The following GYG1 variants were observed in gnomAD, a reference collection of about 807,000 sequenced individuals.
GYG1 encodes the protein glycogenin-1.
A neutral mutation model predicts 41.9 loss-of-function variants in GYG1; 44 were observed. The ratio of observed to expected loss-of-function variants is 1.05; its 90% CI spans 0.83 to 1.35. The LOEUF (loss-of-function observed/expected upper bound fraction) is 1.35. Among genes scored for constraint, GYG1 ranks in the 40% most tolerant of loss-of-function variants. The pLI, the probability that GYG1 is intolerant of heterozygous loss-of-function variation, is 0.00. For synonymous variants in GYG1, 141 were observed against 158.1 expected (o/e 0.89, Z 0.81); for missense variants, 429 against 418.9 (o/e 1.02, Z -0.21).
Position 149,030,397 on chromosome 3 carries a change from T to G in GYG1, c.*3464T>G, listed in dbSNP as rs1024698654. ...AGAACTGTACAAAACAAAGAGACAT[T>G]TTTTAAACAACTTGCCAAACTTACT... On this transcript the variant is annotated 3_prime_UTR_variant, in exon 8 of 8. Coordinates refer to ENST00000345003, the MANE Select transcript of GYG1 (RefSeq NM_004130.4). The G allele has an allele frequency of 1.5e-4, 23 of 152,212 alleles. No individual in the cohort carries two copies. The highest frequency in any genetic ancestry group is 1.3e-3 in the Admixed American group (20 of 15,292). The allele number at this position is 152,212 out of a possible 1,614,324, so 9.4% of individuals were successfully genotyped here.
intron 4 of GYG1, among the ~76,000 whole-genome samples, chr3:149,007,696 C>A (rs764525248): frequency 1.3e-5 from 2 of 152,168 alleles, no homozygotes; most frequent in African/African-American, 2.4e-5. Flanking sequence ...TGTTGAGAAA[C>A]GACCTGGATT....
intron 5 of GYG1, among the ~76,000 whole-genome samples, chr3:149,023,675 G>A (rs1714488815): frequency 6.6e-6 from 1 of 152,312 alleles, no homozygotes; most frequent in South Asian, 2.1e-4. Flanking sequence ...CAATGTCACA[G>A]TGAACTCAGT....
At chr3:149,008,328 CT>C (rs1713520727) in intron 4 of GYG1, 1 of 152,476 alleles carries the variant, frequency 6.6e-6, no homozygotes, top group African/African-American at 2.4e-5. Context: ...GCCGCCTTCT[CT>C]GAGACTCACC....
In GYG1 at chr3:149,026,421, C is replaced by T. The variant is rs527632730; in HGVS notation, c.829-31C>T. 19 of 1,404,662 alleles carry T rather than the reference C, an allele frequency of 1.4e-5. No individual in the cohort carries two copies. In the East Asian group the frequency reaches 3.4e-4, roughly 25 times the overall value. The allele number at this position is 1,404,662 out of a possible 1,614,324, so 87.0% of individuals were successfully genotyped here. On this transcript the variant is annotated intron_variant, in intron 6 of 7. Transcript: ENST00000345003. ...TGAGACTTGTGTTCCCTTGCCCATC[C>T]ATCTTACACTTTCTAATGAACTGTT... is the stretch of plus-strand genomic sequence containing the variant.
rs375685438 is a variant in GYG1, at chr3:149,020,935, T to C, written c.609-3118T>C. 3.9e-5 allele frequency among the ~76,000 whole-genome samples: 6 copies of C among 152,276 alleles called. No individual in the cohort carries two copies. In the East Asian group the frequency reaches 9.7e-4, roughly 25 times the overall value. ...GTACTCTGTTTCGGTTTTAGGCTTATGGGTTTGTATTGCTAGGATGGGGCA... is the reference window on the plus strand; with the variant it reads ...GTACTCTGTTTCGGTTTTAGGCTTACGGGTTTGTATTGCTAGGATGGGGCA... On this transcript the variant is annotated intron_variant, in intron 5 of 7. Coordinates refer to ENST00000345003, the MANE Select transcript of GYG1 (RefSeq NM_004130.4).
At chr3:149,025,953 C>A (rs561722601) in intron 6 of GYG1, among the ~76,000 whole-genome samples, 2 of 152,298 alleles carry the variant, frequency 1.3e-5, no homozygotes, top group South Asian at 4.1e-4. Context: ...GGAAATGCCT[C>A]TGTATCATTA....
rs368333026 is a variant in GYG1, at chr3:148,996,103, G to C, written c.144-199G>C. On this transcript the variant is annotated intron_variant, in intron 2 of 7. Transcript: ENST00000345003. ...ACCATAAGCAGTTCTTACTACTTTA[G>C]TGACGTTAACTGGACATGCAAATAA... is the stretch of plus-strand genomic sequence containing the variant. Among the ~76,000 whole-genome samples, 3 of 152,262 alleles carry C rather than the reference G, an allele frequency of 2.0e-5. No homozygotes were observed. In the South Asian group the frequency reaches 6.2e-4, roughly 32 times the overall value.
At position 149,026,814 on chromosome 3, in the gene GYG1, G is replaced by T. The variant is rs769173594; in HGVS notation, c.934G>T (p.Ala312Ser). Residue 312 changes from alanine (A) to serine (S), a missense_variant, in exon 8 of 8, where the codon GCA becomes TCA. Coordinates refer to ENST00000345003, the MANE Select transcript of GYG1 (RefSeq NM_004130.4). ...GTCCCTTGGGGAGATCCCAGCTATG[G>T]CACAGCCGTTTGTATCCTCGGAAGA... ...HLSLGEIPAM[A>S]QPFVSSEERK... 1.2e-6 allele frequency: 2 copies of T among 1,613,984 alleles called. No individual in the cohort carries two copies. The highest frequency in any genetic ancestry group is 2.2e-5 in the South Asian group (2 of 91,070).
At position 149,028,868 on chromosome 3, in the gene GYG1, G is replaced by C. The variant is rs562914999; in HGVS notation, c.*1935G>C. ...CCTGAGTAGCTGGGACTACAGGCAC[G>C]CACCACCACGCCCAGCTAAATTTTG... On this transcript the variant is annotated 3_prime_UTR_variant, in exon 8 of 8. Coordinates refer to ENST00000345003, the MANE Select transcript of GYG1 (RefSeq NM_004130.4). 6.6e-6 allele frequency among the ~76,000 whole-genome samples: 1 copy of C among 151,790 alleles called. No individual in the cohort carries two copies.
In GYG1 at chr3:149,009,354, A is replaced by G; in HGVS notation, c.560A>G (p.Tyr187Cys). The G allele has an allele frequency of 6.2e-7, 1 of 1,612,412 alleles. No homozygotes were observed. The highest frequency in any genetic ancestry group is 1.1e-5 in the South Asian group (1 of 91,048). The change falls in exon 5 of 8, where the codon TAT (tyrosine) becomes TGT (cysteine). Residue 187 changes from tyrosine to cysteine, a missense_variant. Physicochemically the swap from Tyr to Cys is radical, Grantham distance 194. Transcript: ENST00000345003. The stretch of plus-strand genomic sequence containing the variant: ...ATCAGAAAACACCTGCCGTTTATTT[A>G]TAACCTAAGCAGCATCTCTATATAC... ...TDIRKHLPFI[Y>C]NLSSISIYSY...
intron 6 of GYG1, among the ~76,000 whole-genome samples, chr3:149,025,888 C>A (rs1714623972): frequency 6.6e-6 from 1 of 152,096 alleles, no homozygotes; most frequent in Non-Finnish European, 1.5e-5. Flanking sequence ...ACCTCAGGGG[C>A]CTCTCTTTTA....
intron 2 of GYG1, among the ~76,000 whole-genome samples, chr3:148,994,689 T>C (rs888188164): frequency 6.6e-6 from 1 of 152,200 alleles, no homozygotes; most frequent in Non-Finnish European, 1.5e-5. Context: ...CTAGGGAAAC[T>C]CTCAGGTGAC....
At chr3:148,994,919 G>A (rs951946439) in intron 2 of GYG1, among the ~76,000 whole-genome samples, 1 of 152,222 alleles carries the variant, frequency 6.6e-6, no homozygotes, top group African/African-American at 2.4e-5. Flanking sequence ...GATGGCTCAT[G>A]CCTGTAATCT....
intron 4 of GYG1, among the ~76,000 whole-genome samples, chr3:149,000,615 T>C (rs961982173): frequency 6.6e-6 from 1 of 152,248 alleles, no homozygotes; most frequent in Non-Finnish European, 1.5e-5. Flanking sequence ...AGTGCTTGTA[T>C]AGTTGAAGAG....
chr3:149,010,208 G>A (rs912798581), intron 5 of GYG1, among the ~76,000 whole-genome samples: 5 of 152,134 alleles, frequency 3.3e-5, no homozygotes, highest in African/African-American at 1.2e-4. Flanking sequence ...GAGGAAAATA[G>A]TACCTACCTC....
rs1271327847 is a variant in GYG1 at position 149,026,833 on chromosome 3, C to A, written c.953C>A (p.Ser318Ter). Residue 318 changes from serine (S) to a stop codon, truncating the protein, a stop_gained, in exon 8 of 8, where the codon TCG (serine) becomes TAG (stop). Coordinates refer to ENST00000345003, the MANE Select transcript of GYG1 (RefSeq NM_004130.4). LOFTEE classifies it high-confidence loss of function. ...GCTATGGCACAGCCGTTTGTATCCT[C>A]GGAAGAACGGAAGGAACGATGGGAA... ...IPAMAQPFVS[S>*]EERKERWEQG... 6.2e-7 allele frequency: 1 copy of A among 1,613,896 alleles called. No homozygotes were observed. Among genetic ancestry groups the A allele is most frequent in the East Asian group, 2.2e-5 (1 of 44,872 alleles).
chr3:148,994,768 A>G (rs1199160965), intron 2 of GYG1, among the ~76,000 whole-genome samples: 1 of 152,246 alleles, frequency 6.6e-6, no homozygotes, highest in African/African-American at 2.4e-5. Flanking sequence ...TTTACAATAT[A>G]ATACACTAGA....
intron 5 of GYG1, among the ~76,000 whole-genome samples, chr3:149,022,085 A>G (rs1714399903): frequency 6.6e-6 from 1 of 152,112 alleles, no homozygotes. Flanking sequence ...ACATCCCACT[A>G]TCTTAGCACC....
rs1363436975 is a variant in GYG1 at position 149,026,808 on chromosome 3, G to C, written c.928G>C (p.Ala310Pro). Reference sequence around the variant, plus strand: ...ACATCTGTCCCTTGGGGAGATCCCAGCTATGGCACAGCCGTTTGTATCCTC... The same window carrying C: ...ACATCTGTCCCTTGGGGAGATCCCACCTATGGCACAGCCGTTTGTATCCTC... ...ISHLSLGEIP[A>P]MAQPFVSSEE... Residue 310 changes from alanine to proline, a missense_variant, in exon 8 of 8, where the codon GCT becomes CCT. Coordinates refer to ENST00000345003, the MANE Select transcript of GYG1 (RefSeq NM_004130.4). The C allele has an allele frequency of 8.7e-6, 14 of 1,613,810 alleles. No individual in the cohort carries two copies. The African/African-American group carries it at 1.3e-4, about 15-fold the overall frequency.
Sources: gnomAD v4.1 joint callset for allele counts (sites outside exome capture counted in the v4.1 genomes callset) on GRCh38, gnomAD v4.1.1 for gene constraint, MANE v1.5 for transcripts, NCBI Gene and HGNC (gene_info 2026-07-23, HGNC 2026-07-21) for gene names.